Variants in SCN3A observed in about 807,000 individuals in gnomAD.
The protein encoded by SCN3A is sodium voltage-gated channel alpha subunit 3.
Under a neutral mutation model 187.6 loss-of-function variants are expected in SCN3A, and 60 were observed. That is an observed-to-expected ratio of 0.32 (90% CI 0.26 to 0.40). The LOEUF is 0.40. Among genes scored for constraint, SCN3A ranks in the 10% least tolerant of loss-of-function variants. The pLI is 1.00. For synonymous variants in SCN3A, 788 were observed against 829.2 expected, an observed-to-expected ratio of 0.95 and a Z score of 0.85; for missense variants, 1,601 against 2,428.2, an observed-to-expected ratio of 0.66 and a Z score of 7.16.
rs777896458 is a variant in SCN3A at position 165,140,984 on chromosome 2, G to T, written c.1686C>A (p.Ile562=). The T allele has an allele frequency of 1.9e-6, 3 of 1,613,758 alleles. No individual in the cohort carries two copies. In the East Asian group the frequency reaches 6.7e-5, roughly 36 times the overall value. The part of the protein sequence containing the change: ...FCSPHQSLLS[I]RGSLFSPRRN... ...GTCTTGGGGAAAACAGGGAGCCACG[G>T]ATACTCAAGAGAGACTGCAGAGAAA... is the stretch of plus-strand genomic sequence containing the variant. The change falls in exon 13 of 28, where the codon ATC becomes ATA. Residue 562 remains isoleucine (I), a synonymous_variant. Transcript: ENST00000283254. The surrounding 1 kb of genome is among the most constrained non-coding windows in gnomAD (Gnocchi z 4.2).
Position 165,091,153 on chromosome 2 carries a change from A to C in SCN3A, c.5000T>G (p.Phe1667Cys). The change falls in exon 28 of 28, where the codon TTT (phenylalanine) becomes TGT (cysteine). Residue 1667 changes from phenylalanine to cysteine, a missense_variant. Phe to Cys is a radical substitution (Grantham distance 205, BLOSUM62 -2). This residue lies in a region of SCN3A where 320 missense variants were observed against 623.2 expected (regional missense o/e 0.51). Coordinates refer to ENST00000283254, the MANE Select transcript of SCN3A (RefSeq NM_006922.4). ...NIGLLLFLVM[F>C]IYAIFGMSNF... Reference sequence around the variant, plus strand: ...GGACATCCCAAAGATGGCATAGATAAACATGACCAGGAAGAGCAGGAGGCC... The same window carrying C: ...GGACATCCCAAAGATGGCATAGATACACATGACCAGGAAGAGCAGGAGGCC... 6.2e-7 allele frequency: 1 copy of C among 1,614,142 alleles called. No individual in the cohort carries two copies. Among genetic ancestry groups the C allele is most frequent in the Non-Finnish European group, 8.5e-7 (1 of 1,180,000 alleles).
chr2:165,155,957 A>G (rs1688997817), intron 9 of SCN3A, 54 bp from the exon 10 acceptor site: 1 of 1,606,888 alleles, frequency 6.2e-7, no homozygotes, highest in East Asian at 2.2e-5. Flanking sequence ...AGCAATTTCA[A>G]TTTATTTGAC....
chr2:165,184,463 A>G (rs183917741), intron 2 of SCN3A, among the ~76,000 whole-genome samples: 151 of 144,790 alleles, frequency 1.0e-3, no homozygotes, highest in Non-Finnish European at 1.8e-3. Flanking sequence ...AGGAGCCAAG[A>G]TTTAAACCTG....
intron 2 of SCN3A, among the ~76,000 whole-genome samples, chr2:165,185,521 G>A (rs969608303): frequency 2.6e-5 from 4 of 152,134 alleles, no homozygotes; most frequent in Admixed American, 2.6e-4. Flanking sequence ...TTTCTATTGG[G>A]ATAAAATACA....
intron 2 of SCN3A, among the ~76,000 whole-genome samples, chr2:165,185,594 C>G (rs1350341299): frequency 6.6e-6 from 1 of 152,334 alleles, no homozygotes; most frequent in Non-Finnish European, 1.5e-5. Context: ...AGCTGACACA[C>G]TGAGGGTGGC....
intron 18 of SCN3A, among the ~76,000 whole-genome samples, chr2:165,117,317 A>G (rs1168283763): frequency 6.6e-6 from 1 of 152,128 alleles, no homozygotes; most frequent in African/African-American, 2.4e-5. Context: ...CCTCTTGGCT[A>G]ATCCAAACTT....
Position 165,130,186 on chromosome 2 carries a change from G to A in SCN3A, c.2676C>T (p.Ile892=), listed in dbSNP as rs772587858. ...LGNLTLVLAI[I]VFIFAVVGMQ... ...TGCCGACCACAGCAAAAATGAAGAC[G>A]ATGATGGCCAACACCAAGGTGAGGT... is the stretch of plus-strand genomic sequence containing the variant. The change falls in exon 17 of 28, where the codon ATC becomes ATT. Residue 892 remains isoleucine (I), a synonymous_variant. Coordinates refer to ENST00000283254, the MANE Select transcript of SCN3A (RefSeq NM_006922.4). 2.8e-5 allele frequency: 45 copies of A among 1,613,998 alleles called. No individual in the cohort carries two copies. The African/African-American group carries it at 3.1e-4, about 11-fold the overall frequency.
chr2:165,155,214 TAAAA>T (rs983979862), intron 10 of SCN3A, among the ~76,000 whole-genome samples: 3 of 152,144 alleles, frequency 2.0e-5, no homozygotes, highest in Non-Finnish European at 2.9e-5. Flanking sequence ...GCCTTTCACA[TAAAA>T]AAGTCCTCAG....
chr2:165,146,634 C>T, intron 12 of SCN3A, 105 bp downstream of exon 12: 1 of 1,150,632 alleles, frequency 8.7e-7, no homozygotes, highest in Non-Finnish European at 1.3e-6. Flanking sequence ...AGTTCCCTGT[C>T]CCTCACTGAA....
intron 5 of SCN3A, among the ~76,000 whole-genome samples, chr2:165,164,843 C>T (rs1302455090): frequency 2.0e-5 from 3 of 151,944 alleles, no homozygotes; most frequent in Admixed American, 6.6e-5. Flanking sequence ...TAATGGAAGC[C>T]ACAAATGTAA....
Position 165,147,064 on chromosome 2 carries a change from A to G in SCN3A, c.1381-35T>C, listed in dbSNP as rs572583189. 4 of 1,612,488 alleles carry G rather than the reference A, an allele frequency of 2.5e-6. No individual in the cohort carries two copies. In the African/African-American group the frequency reaches 5.3e-5, roughly 21 times the overall value. ...AACAAAGCCAGGCACTATTTAGAACACAGAGCTTTGAAAACAGTTGAGTAT... is the reference window on the plus strand; with the variant it reads ...AACAAAGCCAGGCACTATTTAGAACGCAGAGCTTTGAAAACAGTTGAGTAT... On this transcript the variant is annotated intron_variant, in intron 11 of 27. Coordinates refer to ENST00000283254, the MANE Select transcript of SCN3A (RefSeq NM_006922.4).
At chr2:165,103,620 C>G (rs1050260856) in intron 21 of SCN3A, among the ~76,000 whole-genome samples, 1 of 152,112 alleles carries the variant, frequency 6.6e-6, no homozygotes, top group South Asian at 2.1e-4. Context: ...GTCATCCACA[C>G]CTTTCCACAT....
intron 18 of SCN3A, among the ~76,000 whole-genome samples, chr2:165,116,339 C>T (rs1686366459): frequency 6.6e-6 from 1 of 152,148 alleles, no homozygotes; most frequent in Non-Finnish European, 1.5e-5. Context: ...TGAATACTTC[C>T]TTTAACTAAA....
intron 25 of SCN3A, 143 bp downstream of exon 25, chr2:165,095,368 T>C: frequency 2.4e-6 from 2 of 831,850 alleles, no homozygotes; most frequent in South Asian, 3.4e-5. Context: ...CTGGAATCCC[T>C]GCAGCTTAAA....
chr2:165,090,044 A>G lies in SCN3A; in HGVS notation c.*106T>C, dbSNP rs750426790. ...AGGCACTGACTATGAGTATTTGTTA[A>G]AACAGTCAGTTTGGCATGGACCTCC... On this transcript the variant is annotated 3_prime_UTR_variant, in exon 28 of 28. Transcript: ENST00000283254. The surrounding 1 kb of genome is among the most constrained non-coding windows in gnomAD (Gnocchi z 4.0). 1 of 1,501,492 alleles carries G rather than the reference A, an allele frequency of 6.7e-7. No homozygotes were observed. The highest frequency in any genetic ancestry group is 8.9e-7 in the Non-Finnish European group (1 of 1,117,734). The allele number at this position is 1,501,492 out of a possible 1,614,324, so 93.0% of individuals were successfully genotyped here.
At chr2:165,194,634 T>C (rs1691828921) in intron 1 of SCN3A, among the ~76,000 whole-genome samples, 1 of 152,128 alleles carries the variant, frequency 6.6e-6, no homozygotes, top group African/African-American at 2.4e-5. Context: ...TTGAATCCTT[T>C]CTAACTCTAG....
At chr2:165,186,472 C>T (rs1336667755) in intron 2 of SCN3A, 79 bp downstream of exon 2, 1 of 152,154 alleles carries the variant, frequency 6.6e-6, no homozygotes, top group Non-Finnish European at 1.5e-5. Context: ...GGTCCTGATA[C>T]AGCTGTCCTT....
At chr2:165,133,333 G>A (rs1023825227) in intron 15 of SCN3A, among the ~76,000 whole-genome samples, 10 of 151,896 alleles carry the variant, frequency 6.6e-5, no homozygotes, top group East Asian at 1.9e-4. Context: ...ACATGCACAC[G>A]TATGTTTATT....
rs142974747 is a variant in SCN3A, at chr2:165,088,620, C to T, written c.*1530G>A. 43 of 152,426 alleles carry T rather than the reference C, an allele frequency of 2.8e-4. No individual in the cohort carries two copies. The highest frequency in any genetic ancestry group is 1.0e-3 in the African/African-American group (43 of 41,486). The allele number at this position is 152,426 out of a possible 1,614,324, so 9.4% of individuals were successfully genotyped here. On this transcript the variant is annotated 3_prime_UTR_variant, in exon 28 of 28. Coordinates refer to ENST00000283254, the MANE Select transcript of SCN3A (RefSeq NM_006922.4). ...TCTAACTTTTATTTTAGGAAATTATCCATTGAAAAATCTTATGGATTCAAA... is the reference window on the plus strand; with the variant it reads ...TCTAACTTTTATTTTAGGAAATTATTCATTGAAAAATCTTATGGATTCAAA...
Sources: gnomAD v4.1 joint callset for allele counts (sites outside exome capture counted in the v4.1 genomes callset) on GRCh38, gnomAD v4.1.1 for gene constraint, gnomAD v4.1.1 regional missense constraint, Gnocchi (gnomAD v3.1) non-coding constraint, MANE v1.5 for transcripts, NCBI Gene and HGNC (gene_info 2026-07-23, HGNC 2026-07-21) for gene names.